Variants in UNC79 observed in about 807,000 individuals in gnomAD.
UNC79 encodes the protein unc-79 subunit of NALCN channel complex.
A neutral mutation model predicts 283.1 loss-of-function variants in UNC79; 37 were observed. The observed-to-expected ratio is 0.13, with a 90% CI of 0.10 to 0.17. UNC79 has a LOEUF of 0.17. Ranked by LOEUF, UNC79 falls within the 10% of genes least tolerant of loss-of-function variation. The pLI, the probability that UNC79 is intolerant of heterozygous loss-of-function variation, is 1.00. For synonymous variants in UNC79, 1,107 were observed against 1,200.2 expected (o/e 0.92, Z 1.61); for missense variants, 2,272 against 3,211.1 (o/e 0.71, Z 7.07).
At chr14:93,526,323 A>G (rs960775903) in intron 8 of UNC79, among the ~76,000 whole-genome samples, 1 of 152,194 alleles carries the variant, frequency 6.6e-6, no homozygotes, top group African/African-American at 2.4e-5. Context: ...CATGCAAATC[A>G]AGGGTATCAA....
At chr14:93,605,056 T>C in intron 26 of UNC79, 95 bp downstream of exon 27, 1 of 1,334,226 alleles carries the variant, frequency 7.5e-7, no homozygotes, top group Non-Finnish European at 9.9e-7. Context: ...CAGGGTGATA[T>C]ACCTAGGATT....
chr14:93,584,498 A>G (rs1217746940), intron 20 of UNC79, among the ~76,000 whole-genome samples: 2 of 152,192 alleles, frequency 1.3e-5, no homozygotes, highest in Non-Finnish European at 2.9e-5. Context: ...TGCAGCAGCC[A>G]GGGCCCAGGC....
exon 30 of UNC79, chr14:93,622,190 A>G: frequency 6.2e-7 from 1 of 1,614,164 alleles, no homozygotes; most frequent in Non-Finnish European, 8.5e-7. Flanking sequence ...GGAGACGATG[A>G]ACCAAGGCGA....
intron 13 of UNC79, 142 bp from the exon 14 acceptor site, chr14:93,542,324 G>A (rs949907778): frequency 5.1e-6 from 4 of 788,278 alleles, no homozygotes; most frequent in Non-Finnish European, 7.9e-6. Flanking sequence ...CTGGATAAGC[G>A]ATCCCCATTT....
intron 40 of UNC79, among the ~76,000 whole-genome samples, chr14:93,666,802 G>A (rs1237334902): frequency 6.6e-6 from 1 of 152,162 alleles, no homozygotes; most frequent in African/African-American, 2.4e-5. Context: ...ATTTAAAAAT[G>A]TGGAAGATTT....
chr14:93,433,320 TA>T (rs1474300273), intron 1 of UNC79, among the ~76,000 whole-genome samples: 3 of 152,174 alleles, frequency 2.0e-5, no homozygotes. Flanking sequence ...TGAAGGTAAT[TA>T]AGGAATCTCT....
chr14:93,342,462 T>G (rs2053734448), intron 1 of UNC79, among the ~76,000 whole-genome samples: 1 of 152,254 alleles, frequency 6.6e-6, no homozygotes, highest in Non-Finnish European at 1.5e-5. Flanking sequence ...CCTAGGCCTC[T>G]GGGCCTGTGA....
At chr14:93,661,028 C>T (rs1019213673) in intron 39 of UNC79, among the ~76,000 whole-genome samples, 6 of 152,124 alleles carry the variant, frequency 3.9e-5, no homozygotes, top group South Asian at 4.1e-4. Context: ...AACAGAATTC[C>T]TATCTTTAGG....
chr14:93,481,145 T>C (rs1454483160), intron 4 of UNC79, among the ~76,000 whole-genome samples: 2 of 152,224 alleles, frequency 1.3e-5, no homozygotes, highest in Admixed American at 1.3e-4. Flanking sequence ...TTTAAGGTTC[T>C]GCAGAGCAAA....
At chr14:93,660,821 C>G (rs940567119) in intron 39 of UNC79, among the ~76,000 whole-genome samples, 3 of 151,694 alleles carry the variant, frequency 2.0e-5, no homozygotes, top group Admixed American at 2.0e-4. Context: ...AACTCCTGAC[C>G]TCAAGTGATC....
chr14:93,672,604 T>C (rs2072981027), intron 40 of UNC79, among the ~76,000 whole-genome samples: 1 of 152,010 alleles, frequency 6.6e-6, no homozygotes, highest in Non-Finnish European at 1.5e-5. Flanking sequence ...AATAGCAGAG[T>C]AAGGTGACCA....
intron 1 of UNC79, among the ~76,000 whole-genome samples, chr14:93,447,644 C>T (rs1419510544): frequency 2.6e-5 from 4 of 151,682 alleles, no homozygotes; most frequent in Non-Finnish European, 4.4e-5. Context: ...GAAAAACTTT[C>T]CTTCGCATAT....
intron 4 of UNC79, among the ~76,000 whole-genome samples, chr14:93,481,490 T>C (rs2058138851): frequency 6.6e-6 from 1 of 152,128 alleles, no homozygotes; most frequent in African/African-American, 2.4e-5. Flanking sequence ...AGCTGAACAA[T>C]TATATCAGCT....
chr14:93,452,754 G>T (rs763551383), intron 1 of UNC79, among the ~76,000 whole-genome samples: 3 of 152,132 alleles, frequency 2.0e-5, no homozygotes, highest in Non-Finnish European at 2.9e-5. Context: ...GCAGGGAAAT[G>T]CAATAGCACC....
chr14:93,419,437 G>T lies in UNC79; in HGVS notation c.-350-48234G>T, dbSNP rs183983737. ...CTGCCTCAGCCTCCCAAAGTGCTGG[G>T]ATTACAGGCCAGCACCACTGTACCC... is the stretch of plus-strand genomic sequence containing the variant. On this transcript the variant is annotated intron_variant, in intron 1 of 49. Transcript: ENST00000256339. 2.9e-3 allele frequency among the ~76,000 whole-genome samples: 434 copies of T among 151,646 alleles called. 4 individuals are homozygous for T. Among genetic ancestry groups the T allele is most frequent in the African/African-American group, 1.0e-2 (414 of 41,426 alleles).
At chr14:93,423,649 C>T (rs1230657793) in intron 1 of UNC79, among the ~76,000 whole-genome samples, 2 of 152,122 alleles carry the variant, frequency 1.3e-5, no homozygotes, top group Non-Finnish European at 2.9e-5. Context: ...GCTTGGAAAA[C>T]TGGATGTCCA....
At chr14:93,699,373 T>C (rs1251709252) in intron 47 of UNC79, among the ~76,000 whole-genome samples, 2 of 152,210 alleles carry the variant, frequency 1.3e-5, no homozygotes, top group African/African-American at 4.8e-5. Context: ...CTAAGATAAT[T>C]AACTTAAGAA....
At chr14:93,466,066 A>G (rs2057164872) in intron 1 of UNC79, among the ~76,000 whole-genome samples, 2 of 152,224 alleles carry the variant, frequency 1.3e-5, no homozygotes, top group Non-Finnish European at 2.9e-5. Flanking sequence ...CTATTATCTC[A>G]GGAAAAAAAG....
At chr14:93,616,012 T>C (rs1406736033) in intron 27 of UNC79, among the ~76,000 whole-genome samples, 1 of 152,090 alleles carries the variant, frequency 6.6e-6, no homozygotes, top group African/African-American at 2.4e-5. Flanking sequence ...CAATGGGTTT[T>C]TGGCGAACAG....
Sources: gnomAD v4.1 joint callset for allele counts (sites outside exome capture counted in the v4.1 genomes callset) on GRCh38, gnomAD v4.1.1 for gene constraint, MANE v1.5 for transcripts, NCBI Gene and HGNC (gene_info 2026-07-23, HGNC 2026-07-21) for gene names.